Variants in CTNNA3 observed in about 807,000 individuals in gnomAD.
CTNNA3 encodes the protein catenin alpha 3.
CTNNA3 carries 76 observed loss-of-function variants against 95.7 expected under a neutral mutation model. The ratio of observed to expected loss-of-function variants is 0.79; its 90% CI spans 0.66 to 0.96. CTNNA3 has a LOEUF of 0.96. CTNNA3 is among the 40% of genes least tolerant of loss of function. CTNNA3 has a pLI of 0.00. For synonymous variants in CTNNA3, 431 were observed against 374.4 expected, an observed-to-expected ratio of 1.15 and a Z score of -1.74; for missense variants, 1,191 against 1,089.8, an observed-to-expected ratio of 1.09 and a Z score of -1.31.
chr10:66,215,812 C>G (rs2088493032), intron 13 of CTNNA3, among the ~76,000 whole-genome samples: 1 of 152,140 alleles, frequency 6.6e-6, no homozygotes, highest in Non-Finnish European at 1.5e-5. Context: ...GAATGCTGCC[C>G]AAGGTGGAAG....
chr10:67,199,725 T>G (rs1863553621), intron 6 of CTNNA3, among the ~76,000 whole-genome samples: 2 of 152,154 alleles, frequency 1.3e-5, no homozygotes, highest in Admixed American at 6.5e-5. Flanking sequence ...TCACATAGCT[T>G]TGGCAAATGG....
chr10:67,050,146 G>T (rs906072733), intron 7 of CTNNA3, among the ~76,000 whole-genome samples: 3 of 152,130 alleles, frequency 2.0e-5, no homozygotes, highest in Non-Finnish European at 4.4e-5. Context: ...AAACTTTTCT[G>T]CTGTGTTGCA....
At chr10:67,270,018 C>T (rs879305225) in intron 5 of CTNNA3, among the ~76,000 whole-genome samples, 1 of 151,624 alleles carries the variant, frequency 6.6e-6, no homozygotes, top group Non-Finnish European at 1.5e-5. Context: ...TAATACAGAA[C>T]TGAGAATAAA....
At chr10:67,615,979 C>T (rs1206728323) in intron 2 of CTNNA3, among the ~76,000 whole-genome samples, 2 of 151,946 alleles carry the variant, frequency 1.3e-5, no homozygotes. Flanking sequence ...TAGGTATTGA[C>T]AGATGCTATG....
intron 5 of CTNNA3, among the ~76,000 whole-genome samples, chr10:67,495,885 T>C (rs1339664128): frequency 6.6e-6 from 1 of 152,228 alleles, no homozygotes. Flanking sequence ...ACCTGTATAG[T>C]AGGCACTTCC....
At chr10:66,877,418 G>A (rs779628992) in intron 7 of CTNNA3, among the ~76,000 whole-genome samples, 1 of 152,116 alleles carries the variant, frequency 6.6e-6, no homozygotes, top group African/African-American at 2.4e-5. Flanking sequence ...AAGTGGACTG[G>A]GGCCAGGGAT....
At chr10:66,277,694 G>A (rs181212943) in intron 13 of CTNNA3, among the ~76,000 whole-genome samples, 1 of 152,086 alleles carries the variant, frequency 6.6e-6, no homozygotes, top group African/African-American at 2.4e-5. Flanking sequence ...TCCCCTAGAG[G>A]CTGCTTAGGG....
At chr10:66,427,897 T>G (rs990532543) in intron 11 of CTNNA3, among the ~76,000 whole-genome samples, 1 of 151,996 alleles carries the variant, frequency 6.6e-6, no homozygotes, top group African/African-American at 2.4e-5. Context: ...AATTCACACA[T>G]AACAATATTA....
At chr10:67,446,067 C>G (rs769564934) in intron 5 of CTNNA3, among the ~76,000 whole-genome samples, 34 of 152,192 alleles carry the variant, frequency 2.2e-4, no homozygotes, top group Middle Eastern at 3.4e-3. Flanking sequence ...TCAACAAACG[C>G]GAGATACAGT....
chr10:67,119,408 AC>A (rs1171667470), intron 7 of CTNNA3, among the ~76,000 whole-genome samples: 2 of 151,930 alleles, frequency 1.3e-5, no homozygotes, highest in South Asian at 2.1e-4. Flanking sequence ...GATAAAAAAA[AC>A]ATACACACAA....
chr10:66,192,231 G>A (rs7070264), intron 13 of CTNNA3, among the ~76,000 whole-genome samples: 82 of 151,892 alleles, frequency 5.4e-4, no homozygotes, highest in South Asian at 8.3e-4. Flanking sequence ...ACACTCCCCC[G>A]CCAGCAGAAC....
rs534724688 is a variant in CTNNA3, at chr10:67,716,849, G to A, written c.-2+46585C>T. On this transcript the variant is annotated intron_variant, in intron 1 of 17. Transcript: ENST00000684154. ...TAGGTATATACCCAGTAAAAGGATTGCTGGGTCAAATGGTATTTCTGGTTC... is the reference window on the plus strand; with the variant it reads ...TAGGTATATACCCAGTAAAAGGATTACTGGGTCAAATGGTATTTCTGGTTC... Among the ~76,000 whole-genome samples, 4 of 152,284 alleles carry A rather than the reference G, an allele frequency of 2.6e-5. No homozygotes were observed. In the South Asian group the frequency reaches 8.3e-4, roughly 32 times the overall value.
chr10:67,737,591 A>G (rs1448102340), intron 1 of CTNNA3, among the ~76,000 whole-genome samples: 1 of 152,210 alleles, frequency 6.6e-6, no homozygotes, highest in African/African-American at 2.4e-5. Flanking sequence ...AAAAGTGGGC[A>G]AAGGATATGA....
chr10:66,941,117 G>A (rs1847973315), intron 7 of CTNNA3, among the ~76,000 whole-genome samples: 1 of 152,164 alleles, frequency 6.6e-6, no homozygotes. Flanking sequence ...ACTTTACAAG[G>A]CAGACAGCTA....
chr10:67,448,196 A>C (rs1846827052), intron 5 of CTNNA3, among the ~76,000 whole-genome samples: 1 of 152,170 alleles, frequency 6.6e-6, no homozygotes, highest in Non-Finnish European at 1.5e-5. Flanking sequence ...GAGGGAGGAG[A>C]GCAGGGAAAG....
chr10:66,536,858 C>T (rs1289986966), intron 10 of CTNNA3, among the ~76,000 whole-genome samples: 2 of 152,102 alleles, frequency 1.3e-5, no homozygotes, highest in Non-Finnish European at 2.9e-5. Context: ...CTCTCTCTTT[C>T]TCTCTGTCAA....
intron 17 of CTNNA3, among the ~76,000 whole-genome samples, chr10:65,957,868 C>T (rs528809435): frequency 3.0e-4 from 46 of 152,104 alleles, no homozygotes; most frequent in African/African-American, 1.1e-3. Context: ...TGTCTTGGAA[C>T]TGTTCTTCTT....
At chr10:67,447,383 G>A (rs1846794411) in intron 5 of CTNNA3, among the ~76,000 whole-genome samples, 1 of 152,180 alleles carries the variant, frequency 6.6e-6, no homozygotes, top group Admixed American at 6.5e-5. Context: ...CTAGTTTAAT[G>A]CTTATTCAAT....
intron 14 of CTNNA3, among the ~76,000 whole-genome samples, chr10:66,080,289 C>A (rs1263067710): frequency 6.6e-6 from 1 of 151,822 alleles, no homozygotes; most frequent in Non-Finnish European, 1.5e-5. Flanking sequence ...TATAGTAACC[C>A]AACATTGTAA....
Sources: allele counts gnomAD v4.1 joint callset (sites outside exome capture counted in the v4.1 genomes callset), GRCh38; gene constraint gnomAD v4.1.1; transcripts MANE v1.5; gene names NCBI Gene and HGNC (gene_info 2026-07-23, HGNC 2026-07-21).